PLA2G4E: variants seen among roughly 807,000 people sequenced by gnomAD.
PLA2G4E encodes the protein cytosolic phospholipase A2 epsilon.
In PLA2G4E, 84 loss-of-function variants were observed where a neutral mutation model predicts 109.1. The observed-to-expected ratio is 0.77, with a 90% CI of 0.65 to 0.92. PLA2G4E has a LOEUF of 0.92. Among genes scored for constraint, PLA2G4E ranks in the 40% least tolerant of loss-of-function variants. PLA2G4E has a pLI of 0.00. For missense variants in PLA2G4E, 1,057 were observed against 1,076.6 expected (o/e 0.98, Z 0.25); for synonymous variants, 469 against 436.1 (o/e 1.08, Z -0.94).
intron 1 of PLA2G4E, among the ~76,000 whole-genome samples, chr15:42,024,622 G>T (rs2724940): frequency 0.97 from 147,724 of 152,274 alleles, 71,837 homozygotes; most frequent in Middle Eastern, 1. Context: ...CTCACTGTCC[G>T]CTTTCCAGGT....
intron 16 of PLA2G4E, among the ~76,000 whole-genome samples, chr15:41,987,808 G>A (rs2068168029): frequency 6.6e-6 from 1 of 152,150 alleles, no homozygotes; most frequent in Non-Finnish European, 1.5e-5. Context: ...AGGTGACGAT[G>A]CGGAAACATG....
At chr15:42,017,440 A>T (rs972079459) in intron 1 of PLA2G4E, among the ~76,000 whole-genome samples, 1 of 152,226 alleles carries the variant, frequency 6.6e-6, no homozygotes, top group Non-Finnish European at 1.5e-5. Context: ...CGCAGGTGCC[A>T]TGTACAGGTT....
intron 12 of PLA2G4E, among the ~76,000 whole-genome samples, chr15:41,993,256 G>A (rs985606228): frequency 6.6e-5 from 10 of 152,196 alleles, no homozygotes; most frequent in Non-Finnish European, 1.2e-4. Flanking sequence ...AGGCTCTGTC[G>A]CTCACTAGCT....
chr15:41,989,328 C>T (rs2068201007), intron 15 of PLA2G4E, 87 bp downstream of exon 15: 3 of 1,546,250 alleles, frequency 1.9e-6, no homozygotes, highest in Non-Finnish European at 2.6e-6. Flanking sequence ...GCAAGTGCCC[C>T]GAGTGTCACA....
Position 42,000,262 on chromosome 15 carries a change from C to T in PLA2G4E, c.694G>A (p.Val232Met), listed in dbSNP as rs1182397485. The T allele has an allele frequency of 2.5e-6, 4 of 1,573,128 alleles. No homozygotes were observed. In the East Asian group the frequency reaches 9.4e-5, roughly 37 times the overall value. ...TGGGTGTTCTCAAAGGATTCGTTCA[C>T]CATCACCAGGAGGTCCTTCACTGGG... The change falls in exon 8 of 20, where the codon GTG (valine) becomes ATG (methionine). Residue 232 changes from valine to methionine, a missense_variant. Physicochemically the swap from Val to Met is conservative, Grantham distance 21. Coordinates refer to ENST00000399518, the Ensembl canonical transcript of PLA2G4E.
chr15:42,012,600 C>T (rs2068548014), intron 2 of PLA2G4E, among the ~76,000 whole-genome samples: 1 of 152,166 alleles, frequency 6.6e-6, no homozygotes, highest in Non-Finnish European at 1.5e-5. Context: ...TACTCAGGTC[C>T]TGCCCCTCTC....
At chr15:42,037,083 G>A (rs951977508) in intron 1 of PLA2G4E, among the ~76,000 whole-genome samples, 5 of 152,252 alleles carry the variant, frequency 3.3e-5, no homozygotes, top group Admixed American at 1.3e-4. Context: ...ATGGGGTGGG[G>A]GGTGAGGCCA....
rs74326448 is a variant in PLA2G4E, at chr15:42,028,344, T to C, written c.184-14587A>G. Among the ~76,000 whole-genome samples the C allele has an allele frequency of 1.8e-3, 281 of 152,326 alleles. 1 individual carries two copies. Among genetic ancestry groups the C allele is most frequent in the African/African-American group, 6.7e-3 (277 of 41,576 alleles). On this transcript the variant is annotated intron_variant, in intron 1 of 19. Coordinates refer to ENST00000399518, the Ensembl canonical transcript of PLA2G4E. ...GTAGAAAGCTGCTGACCTGGAAAAC[T>C]GAGATTCTGTACTGCGTTTTTATTT... is the stretch of plus-strand genomic sequence containing the variant.
At chr15:41,984,338 A>G in intron 19 of PLA2G4E, 98 bp downstream of exon 19, 1 of 1,326,186 alleles carries the variant, frequency 7.5e-7, no homozygotes, top group Non-Finnish European at 1.0e-6. Context: ...GAGCTGAGCC[A>G]GGCTTCCCCG....
intron 1 of PLA2G4E, among the ~76,000 whole-genome samples, chr15:42,023,343 A>T (rs1216411510): frequency 6.6e-6 from 1 of 151,020 alleles, no homozygotes; most frequent in African/African-American, 2.4e-5. Flanking sequence ...TTCATTCCAT[A>T]CTAGATTAGG....
At chr15:42,024,688 C>A (rs1201279223) in intron 1 of PLA2G4E, among the ~76,000 whole-genome samples, 1 of 152,172 alleles carries the variant, frequency 6.6e-6, no homozygotes, top group African/African-American at 2.4e-5. Context: ...CTGTCTCCAG[C>A]CTCCTCTCTG....
intron 1 of PLA2G4E, among the ~76,000 whole-genome samples, chr15:42,022,624 T>C (rs1424709146): frequency 6.6e-6 from 1 of 151,790 alleles, no homozygotes; most frequent in Non-Finnish European, 1.5e-5. Context: ...AACAATAGGG[T>C]TTGTGCTCCT....
Position 41,999,924 on chromosome 15 carries a change from AG to A in PLA2G4E, c.928del (p.Leu310CysfsTer11), listed in dbSNP as rs1351409268. 5.0e-6 allele frequency: 8 copies of A among 1,609,468 alleles called. No individual in the cohort carries two copies. Among genetic ancestry groups the A allele is most frequent in the Non-Finnish European group, 5.1e-6 (6 of 1,178,088 alleles). ...CCAGACTCAGGCACTCACCACAGGCAGGGTCATCACCTGACCATCGGAAAGG... is the reference window on the plus strand; with the variant it reads ...CCAGACTCAGGCACTCACCACAGGCAGGTCATCACCTGACCATCGGAAAGG... On this transcript the variant is annotated frameshift_variant, in exon 9 of 20. Coordinates refer to ENST00000399518, the Ensembl canonical transcript of PLA2G4E. LOFTEE classifies it high-confidence loss of function.
exon 10 of PLA2G4E, chr15:41,999,549 C>T (rs1474145442): frequency 6.2e-7 from 1 of 1,611,956 alleles, no homozygotes; most frequent in Non-Finnish European, 8.5e-7. Flanking sequence ...ATGTGTAATT[C>T]ATAACTCTCA....
chr15:41,986,081 G>C, intron 17 of PLA2G4E, 76 bp from the exon 18 acceptor site: 1 of 1,472,208 alleles, frequency 6.8e-7, no homozygotes. Context: ...TGGGGGGACG[G>C]AGCGCCCTGT....
chr15:41,989,866 C>T (rs2068213677), intron 14 of PLA2G4E, among the ~76,000 whole-genome samples: 1 of 152,218 alleles, frequency 6.6e-6, no homozygotes, highest in Admixed American at 6.5e-5. Context: ...GAAATATCTT[C>T]CTTTCACAAC....
intron 1 of PLA2G4E, among the ~76,000 whole-genome samples, chr15:42,042,816 C>T (rs574786537): frequency 1.7e-4 from 26 of 152,284 alleles, no homozygotes; most frequent in African/African-American, 6.3e-4. Flanking sequence ...GGGGCAGAGC[C>T]GTGGCTCACT....
chr15:42,012,170 C>T (rs1040195399), intron 2 of PLA2G4E, among the ~76,000 whole-genome samples: 1 of 152,174 alleles, frequency 6.6e-6, no homozygotes. Context: ...TCCATTCACA[C>T]TCAGCCCTGC....
chr15:42,030,969 T>C (rs911629956), intron 1 of PLA2G4E, among the ~76,000 whole-genome samples: 7 of 152,210 alleles, frequency 4.6e-5, no homozygotes, highest in Admixed American at 1.3e-4. Flanking sequence ...AAATTTTTTC[T>C]TTTCTTTCTT....
Sources: allele counts gnomAD v4.1 joint callset (sites outside exome capture counted in the v4.1 genomes callset), GRCh38; gene constraint gnomAD v4.1.1; transcripts MANE v1.5; gene names NCBI Gene and HGNC (gene_info 2026-07-23, HGNC 2026-07-21).